HTR1F: variants seen among roughly 807,000 people sequenced by gnomAD.
HTR1F encodes 5-hydroxytryptamine receptor 1F.
HTR1F carries 17 observed loss-of-function variants against 24.0 expected under a neutral mutation model. That is an observed-to-expected ratio of 0.71 (90% CI 0.48 to 1.06). The LOEUF (loss-of-function observed/expected upper bound fraction) is 1.06. Ranked by LOEUF, HTR1F falls within the 50% of genes least tolerant of loss-of-function variation. The probability of loss-of-function intolerance (pLI) is 0.00; values close to 1 mark genes in which losing one functional copy is unlikely to be tolerated. For synonymous variants in HTR1F, 186 were observed against 156.8 expected (o/e 1.19, Z -1.39); for missense variants, 391 against 427.8 (o/e 0.91, Z 0.76).
In HTR1F at chr3:87,991,199, A is replaced by C; in HGVS notation, c.450A>C (p.Ile150=). ...AGIMITIVWI[I]SVFISMPPLF... ...TTATGATTACAATAGTTTGGATTAT[A>C]TCTGTTTTTATCTCTATGCCTCCTC... Residue 150 remains isoleucine (I), a synonymous_variant, in exon 3 of 3, where the codon ATA becomes ATC. Transcript: ENST00000319595. 6.2e-7 allele frequency: 1 copy of C among 1,613,992 alleles called. No individual in the cohort carries two copies. The highest frequency in any genetic ancestry group is 8.5e-7 in the Non-Finnish European group (1 of 1,179,976).
intron 2 of HTR1F, among the ~76,000 whole-genome samples, chr3:87,853,061 C>T (rs1193470296): frequency 8.0e-5 from 12 of 150,880 alleles, no homozygotes; most frequent in Admixed American, 7.9e-4. Flanking sequence ...ATAATATGTG[C>T]TTAGACTTCA....
intron 2 of HTR1F, among the ~76,000 whole-genome samples, chr3:87,881,553 C>T (rs1705800449): frequency 6.6e-6 from 1 of 152,148 alleles, no homozygotes. Flanking sequence ...AGAAATAACT[C>T]CGCATATCTA....
At position 87,931,548 on chromosome 3, in the gene HTR1F, C is replaced by T. The variant is rs1222162720; in HGVS notation, c.-42-59160C>T. On this transcript the variant is annotated intron_variant, in intron 2 of 2. Coordinates refer to ENST00000319595, the MANE Select transcript of HTR1F (RefSeq NM_001322209.2). ...CTTTATAGCAGCATGATTTATAGTC[C>T]ATTGGGTATATACCCAGTAATGGGA... 3.9e-5 allele frequency among the ~76,000 whole-genome samples: 6 copies of T among 152,244 alleles called. No individual in the cohort carries two copies. In the South Asian group the frequency reaches 8.3e-4, roughly 21 times the overall value.
At chr3:87,845,174 A>C (rs1704911155) in intron 2 of HTR1F, among the ~76,000 whole-genome samples, 1 of 151,694 alleles carries the variant, frequency 6.6e-6, no homozygotes, top group Admixed American at 6.6e-5. Context: ...AACTGGCACA[A>C]GACAGGGATG....
intron 2 of HTR1F, among the ~76,000 whole-genome samples, chr3:87,887,012 T>C (rs944676685): frequency 2.0e-5 from 3 of 149,992 alleles, no homozygotes; most frequent in African/African-American, 7.3e-5. Context: ...GAGCCCACAT[T>C]GCCAAGACAA....
At chr3:87,823,303 A>T (rs556305078) in intron 2 of HTR1F, among the ~76,000 whole-genome samples, 16 of 152,284 alleles carry the variant, frequency 1.1e-4, no homozygotes, top group South Asian at 8.3e-4. Context: ...ATTATTTTTT[A>T]AAAGTTTTTA....
intron 2 of HTR1F, among the ~76,000 whole-genome samples, chr3:87,822,885 G>T (rs2130351): frequency 0.29 from 44,058 of 152,026 alleles, 6,545 homozygotes; most frequent in East Asian, 0.45. Flanking sequence ...GCTCCTAGCC[G>T]GATAATATTA....
chr3:87,913,969 G>T (rs942297840), intron 2 of HTR1F, among the ~76,000 whole-genome samples: 2 of 152,118 alleles, frequency 1.3e-5, no homozygotes, highest in African/African-American at 4.8e-5. Context: ...AATAAATCAG[G>T]AAACCTGAGA....
At chr3:87,949,448 G>A (rs886961312) in intron 2 of HTR1F, among the ~76,000 whole-genome samples, 2 of 152,066 alleles carry the variant, frequency 1.3e-5, no homozygotes, top group African/African-American at 4.8e-5. Context: ...CTCCTGTAAA[G>A]GAATACAAAT....
chr3:87,820,472 G>A lies in HTR1F; in HGVS notation c.-159-1536G>A, dbSNP rs901672736. On this transcript the variant is annotated intron_variant, in intron 1 of 2. Coordinates refer to ENST00000319595, the MANE Select transcript of HTR1F (RefSeq NM_001322209.2). ...ATTACAGGCGTGAGCCACCGCGCCC[G>A]GCTCATGACCCATTTTAACATGATT... Among the ~76,000 whole-genome samples, 12 of 152,106 alleles carry A rather than the reference G, an allele frequency of 7.9e-5. No homozygotes were observed. The East Asian group carries it at 1.9e-3, about 25-fold the overall frequency.
At chr3:87,871,007 C>T (rs2932282) in intron 2 of HTR1F, among the ~76,000 whole-genome samples, 65,994 of 148,200 alleles carry the variant, frequency 0.45, 18,226 homozygotes, top group African/African-American at 0.79. Context: ...AAAAAAATCA[C>T]GTGAAGAAAC....
chr3:87,811,630 G>A (rs767852722), intron 1 of HTR1F, among the ~76,000 whole-genome samples: 3 of 152,144 alleles, frequency 2.0e-5, no homozygotes, highest in Non-Finnish European at 2.9e-5. Flanking sequence ...ACAGCTTGAG[G>A]AGAAAGAGGA....
intron 2 of HTR1F, among the ~76,000 whole-genome samples, chr3:87,889,159 T>C (rs1706024198): frequency 6.6e-6 from 1 of 152,126 alleles, no homozygotes; most frequent in South Asian, 2.1e-4. Flanking sequence ...CCCTTTCACC[T>C]TCTACCATGA....
chr3:87,946,876 T>G (rs183829796), intron 2 of HTR1F, among the ~76,000 whole-genome samples: 99 of 152,054 alleles, frequency 6.5e-4, no homozygotes, highest in Middle Eastern at 6.8e-3. Context: ...CTGCCCGCCT[T>G]AGCCTCCCAA....
intron 2 of HTR1F, among the ~76,000 whole-genome samples, chr3:87,917,486 A>G (rs1436998764): frequency 5.3e-5 from 8 of 152,036 alleles, no homozygotes; most frequent in Non-Finnish European, 2.9e-5. Flanking sequence ...CAAGAAAAGA[A>G]GAGAGAAAAT....
chr3:87,893,511 T>G (rs2107310479), intron 2 of HTR1F, among the ~76,000 whole-genome samples: 1 of 152,334 alleles, frequency 6.6e-6, no homozygotes, highest in African/African-American at 2.4e-5. Flanking sequence ...ATTTGATACT[T>G]TATTTCAACA....
At chr3:87,801,945 A>T (rs1356233919) in intron 1 of HTR1F, among the ~76,000 whole-genome samples, 1 of 152,066 alleles carries the variant, frequency 6.6e-6, no homozygotes, top group Non-Finnish European at 1.5e-5. Flanking sequence ...GTCATTTGTG[A>T]TATTTAGAAA....
intron 2 of HTR1F, among the ~76,000 whole-genome samples, chr3:87,862,877 T>C (rs866793900): frequency 3.9e-5 from 6 of 152,088 alleles, no homozygotes; most frequent in South Asian, 2.1e-4. Context: ...AGTGCAGTCA[T>C]AGGATCTTGG....
intron 1 of HTR1F, among the ~76,000 whole-genome samples, chr3:87,804,689 C>G (rs2107078430): frequency 6.6e-6 from 1 of 152,106 alleles, no homozygotes; most frequent in South Asian, 2.1e-4. Context: ...AAAGCTTTGT[C>G]TGTTGTATGC....
Sources: allele counts gnomAD v4.1 joint callset (sites outside exome capture counted in the v4.1 genomes callset), GRCh38; gene constraint gnomAD v4.1.1; transcripts MANE v1.5; gene names NCBI Gene and HGNC (gene_info 2026-07-23, HGNC 2026-07-21).